LRBA: variants seen among roughly 807,000 people sequenced by gnomAD.
The protein encoded by LRBA is lipopolysaccharide-responsive and beige-like anchor protein.
In LRBA, 176 loss-of-function variants were observed where a neutral mutation model predicts 330.0. That is an observed-to-expected ratio of 0.53 (90% CI 0.47 to 0.60). LRBA has a LOEUF of 0.60. Ranked by LOEUF, LRBA falls within the 20% of genes least tolerant of loss-of-function variation. The probability of loss-of-function intolerance (pLI) is 0.00; values close to 1 mark genes in which losing one functional copy is unlikely to be tolerated. For synonymous variants in LRBA, 1,230 were observed against 1,193.0 expected (o/e 1.03, Z -0.64); for missense variants, 3,259 against 3,444.8 (o/e 0.95, Z 1.35).
intron 40 of LRBA, among the ~76,000 whole-genome samples, chr4:150,525,744 G>A (rs1763392593): frequency 6.6e-6 from 1 of 151,872 alleles, no homozygotes; most frequent in Non-Finnish European, 1.5e-5. Context: ...TTACACTAGG[G>A]AATCTTATAA....
chr4:150,645,004 A>G (rs2126739159), intron 37 of LRBA, among the ~76,000 whole-genome samples: 1 of 151,866 alleles, frequency 6.6e-6, no homozygotes, highest in South Asian at 2.1e-4. Context: ...GGTGAACTTC[A>G]TTCACTTTTT....
At chr4:150,906,582 T>C (rs1259381841) in intron 11 of LRBA, among the ~76,000 whole-genome samples, 177 bp from the exon 12 acceptor site, 2 of 152,310 alleles carry the variant, frequency 1.3e-5, no homozygotes, top group Non-Finnish European at 2.9e-5. Flanking sequence ...AATGTAGGAT[T>C]AGGAGTTACT....
chr4:150,794,366 T>C (rs1324027132), intron 34 of LRBA, among the ~76,000 whole-genome samples: 2 of 151,472 alleles, frequency 1.3e-5, no homozygotes. Context: ...ATCATAACTA[T>C]AGAAAAGAAT....
intron 46 of LRBA, chr4:150,423,095 A>T: frequency 1.2e-6 from 1 of 820,538 alleles, no homozygotes; most frequent in Non-Finnish European, 2.2e-6. Context: ...GAAGAGCTCC[A>T]AGGCATCTGA....
intron 28 of LRBA, among the ~76,000 whole-genome samples, chr4:150,839,052 A>G (rs1205389737): frequency 6.6e-6 from 1 of 152,222 alleles, no homozygotes; most frequent in East Asian, 1.9e-4. Context: ...CAAGAAAAAA[A>G]CAACCCCATC....
At chr4:150,501,271 C>T (rs947211984) in intron 40 of LRBA, among the ~76,000 whole-genome samples, 1 of 152,094 alleles carries the variant, frequency 6.6e-6, no homozygotes, top group Non-Finnish European at 1.5e-5. Flanking sequence ...TAGCACAATA[C>T]TGAAGAGACT....
chr4:150,559,756 CATT>C (rs1477256797), intron 40 of LRBA, among the ~76,000 whole-genome samples: 1 of 81,444 alleles, frequency 1.2e-5, no homozygotes, highest in African/African-American at 5.2e-5. Flanking sequence ...ATATATATAA[CATT>C]ATAGATTATA....
At chr4:150,435,744 C>T (rs759107021) in intron 45 of LRBA, 36 bp from the exon 46 acceptor site, 14 of 1,562,622 alleles carry the variant, frequency 9.0e-6, no homozygotes, top group African/African-American at 2.8e-5. Flanking sequence ...CATATGTTCC[C>T]TCAGGCATAA....
At chr4:150,336,157 C>T (rs1413737305) in intron 48 of LRBA, among the ~76,000 whole-genome samples, 1 of 152,058 alleles carries the variant, frequency 6.6e-6, no homozygotes, top group Non-Finnish European at 1.5e-5. Flanking sequence ...ATTATTTCAC[C>T]ACCCAGGTAT....
Position 150,941,657 on chromosome 4 carries a change from C to A in LRBA, c.217-12592G>T, listed in dbSNP as rs562563536. ...ATCCCAGCACTTTGGGAGGCAGAGG[C>A]AGGTGGATCACCTGAGGTCAGAAGT... On this transcript the variant is annotated intron_variant, in intron 2 of 56. Coordinates refer to ENST00000651943, the MANE Select transcript of LRBA (RefSeq NM_001364905.1). Among the ~76,000 whole-genome samples the A allele has an allele frequency of 8.5e-5, 13 of 152,210 alleles. No homozygotes were observed. The East Asian group carries it at 2.5e-3, about 29-fold the overall frequency.
chr4:150,557,058 G>C (rs1767417696), intron 40 of LRBA, among the ~76,000 whole-genome samples: 1 of 152,142 alleles, frequency 6.6e-6, no homozygotes, highest in African/African-American at 2.4e-5. Context: ...GCTCTCCAAA[G>C]TAATAGCTGA....
intron 40 of LRBA, among the ~76,000 whole-genome samples, chr4:150,519,532 T>G (rs1762710490): frequency 6.6e-6 from 1 of 152,218 alleles, no homozygotes; most frequent in Non-Finnish European, 1.5e-5. Flanking sequence ...AGTTGTTCTG[T>G]GTATTGATAA....
At chr4:150,473,717 TAC>T (rs1267195990) in intron 42 of LRBA, among the ~76,000 whole-genome samples, 1 of 152,178 alleles carries the variant, frequency 6.6e-6, no homozygotes, top group Non-Finnish European at 1.5e-5. Context: ...AGGATTGAAT[TAC>T]ACCACTGGCT....
At chr4:150,939,549 C>T (rs1222649055) in intron 2 of LRBA, among the ~76,000 whole-genome samples, 1 of 152,206 alleles carries the variant, frequency 6.6e-6, no homozygotes, top group Admixed American at 6.5e-5. Context: ...GAATAAATTT[C>T]CATTGTTTCA....
chr4:150,377,760 AATTT>A (rs557722976), intron 47 of LRBA, among the ~76,000 whole-genome samples: 3 of 152,064 alleles, frequency 2.0e-5, no homozygotes, highest in Non-Finnish European at 2.9e-5. Flanking sequence ...TTTTTATACC[AATTT>A]ATTTATTTAT....
intron 38 of LRBA, among the ~76,000 whole-genome samples, chr4:150,594,428 C>A (rs905534744): frequency 6.6e-6 from 1 of 151,948 alleles, no homozygotes; most frequent in Non-Finnish European, 1.5e-5. Flanking sequence ...CTCAATCAAC[C>A]ATTATAAACA....
At chr4:150,301,170 A>T (rs1009879259) in intron 53 of LRBA, among the ~76,000 whole-genome samples, 1 of 152,094 alleles carries the variant, frequency 6.6e-6, no homozygotes, top group African/African-American at 2.4e-5. Context: ...TTCTAAGAGG[A>T]CAGACAGGAA....
intron 32 of LRBA, among the ~76,000 whole-genome samples, chr4:150,807,767 T>C (rs1263458184): frequency 1.3e-5 from 2 of 152,070 alleles, no homozygotes; most frequent in African/African-American, 4.8e-5. Flanking sequence ...TGCCTCAGCA[T>C]CCCGAGTAGC....
intron 40 of LRBA, among the ~76,000 whole-genome samples, chr4:150,510,486 A>T (rs1323913123): frequency 6.6e-6 from 1 of 152,214 alleles, no homozygotes; most frequent in African/African-American, 2.4e-5. Flanking sequence ...TGGATACCCT[A>T]CAAAATAAAT....
Sources: allele counts gnomAD v4.1 joint callset (sites outside exome capture counted in the v4.1 genomes callset), GRCh38; gene constraint gnomAD v4.1.1; transcripts MANE v1.5; gene names NCBI Gene and HGNC (gene_info 2026-07-23, HGNC 2026-07-21).